The following XAB2 variants were observed in gnomAD, a reference collection of about 807,000 sequenced individuals.
XAB2 encodes the protein XPA binding protein 2.
Under a neutral mutation model 113.4 loss-of-function variants are expected in XAB2, and 57 were observed. That is an observed-to-expected ratio of 0.50 (90% confidence interval 0.41 to 0.63). The LOEUF (loss-of-function observed/expected upper bound fraction) is 0.63, where lower values mean the gene tolerates loss of function less well. Ranked by LOEUF, XAB2 falls within the 20% of genes least tolerant of loss-of-function variation. The pLI, the probability that XAB2 is intolerant of heterozygous loss-of-function variation, is 0.00. For synonymous variants in XAB2, 497 were observed against 498.8 expected, an observed-to-expected ratio of 1.00 and a Z score of 0.05; for missense variants, 1,037 against 1,233.3, an observed-to-expected ratio of 0.84 and a Z score of 2.38.
In XAB2 at chr19:7,620,092, G is replaced by A. The variant is rs756355799; in HGVS notation, c.2267-17C>T. On this transcript the variant is annotated splice_polypyrimidine_tract_variant and intron_variant, in intron 16 of 18. Coordinates refer to ENST00000358368, the MANE Select transcript of XAB2 (RefSeq NM_020196.3). ...GGTCAGACACTAGGGGGTGGGAGCA[G>A]GGGGTCAGCGCCACGGGGGCCCCTC... 4.4e-6 allele frequency: 7 copies of A among 1,608,658 alleles called. No homozygotes were observed. The Admixed American group carries it at 1.0e-4, about 23-fold the overall frequency.
intron 15 of XAB2, 35 bp downstream of exon 15, chr19:7,620,512 C>T (rs1316373493): frequency 6.2e-7 from 1 of 1,612,690 alleles, no homozygotes; most frequent in East Asian, 2.2e-5. Context: ...GCCGCAGCCC[C>T]CAACCCTGAT....
chr19:7,619,766 CTCG>C lies in XAB2; in HGVS notation c.2484_2486del (p.Asp828del). The C allele has an allele frequency of 1.2e-6, 2 of 1,612,676 alleles. No individual in the cohort carries two copies. The highest frequency in any genetic ancestry group is 1.7e-6 in the Non-Finnish European group (2 of 1,179,252). On this transcript the variant is annotated inframe_deletion, in exon 18 of 19. Transcript: ENST00000358368. ...CCTCACCGTTGGGCTCCAGGTCCAT[CTCG>C]TCCTCGTCCTCGTCCTCGCCCAGCT...
chr19:7,620,223 G>A, intron 16 of XAB2, 52 bp downstream of exon 16: 1 of 1,608,738 alleles, frequency 6.2e-7, no homozygotes, highest in Non-Finnish European at 8.5e-7. Context: ...GCCCAGGTCA[G>A]GCCGGGCTGA....
Position 7,619,860 on chromosome 19 carries a change from G to A in XAB2, c.2397-4C>T, listed in dbSNP as rs772548305. The A allele has an allele frequency of 3.7e-5, 59 of 1,611,474 alleles. 1 individual carries two copies. The South Asian group carries it at 6.0e-4, about 16-fold the overall frequency. Reference sequence around the variant, plus strand: ...CTCCTCCCGGGAGGCGTCACTCCTAGGGACGGGCCATGCTGCCTCAGTTCC... The same window carrying A: ...CTCCTCCCGGGAGGCGTCACTCCTAAGGACGGGCCATGCTGCCTCAGTTCC... On this transcript the variant is annotated splice_region_variant and splice_polypyrimidine_tract_variant and intron_variant, in intron 17 of 18. Coordinates refer to ENST00000358368, the MANE Select transcript of XAB2 (RefSeq NM_020196.3).
chr19:7,621,319 C>T, intron 12 of XAB2, 22 bp from the exon 13 acceptor site: 1 of 1,609,600 alleles, frequency 6.2e-7, no homozygotes, highest in African/African-American at 1.3e-5. Flanking sequence ...GGGAGAGTCA[C>T]ATGTGAGAGT....
At chr19:7,629,223 G>A (rs2031205884) in intron 1 of XAB2, among the ~76,000 whole-genome samples, 1 of 152,174 alleles carries the variant, frequency 6.6e-6, no homozygotes, top group African/African-American at 2.4e-5. Flanking sequence ...CCCCATTTCC[G>A]CCCCTGGTTC....
In XAB2 at chr19:7,623,789, G is replaced by A. The variant is rs1372303491; in HGVS notation, c.1061C>T (p.Pro354Leu). The change falls in exon 8 of 19, where the codon CCA becomes CTA. Residue 354 changes from proline to leucine, a missense_variant. By Grantham distance (98) the Pro-to-Leu change is moderately conservative. Transcript: ENST00000358368. This position sits in a 1 kb window ranked among gnomAD's most constrained non-coding sequence, Gnocchi z 4.6. ...CTTGTGCCACTCGTGCACGTGGTGT[G>A]GGTTTTGGCGCAGCAAGACGCTGTT... ...LLNSVLLRQN[P>L]HHVHEWHKRV... 8.1e-6 allele frequency: 13 copies of A among 1,612,308 alleles called. No homozygotes were observed. Among genetic ancestry groups the A allele is most frequent in the Non-Finnish European group, 1.1e-5 (13 of 1,179,614 alleles).
At chr19:7,621,522 C>T (rs1387841740) in intron 12 of XAB2, 7 of 554,700 alleles carry the variant, frequency 1.3e-5, no homozygotes, top group East Asian at 5.9e-5. Context: ...CTGCTAAGCA[C>T]AGTCTGGCCC....
chr19:7,623,400 G>A lies in XAB2; in HGVS notation c.1120-111C>T, dbSNP rs150871427. 747 of 1,435,672 alleles carry A rather than the reference G, an allele frequency of 5.2e-4. 2 individuals are homozygous for A. The highest frequency in any genetic ancestry group is 4.3e-3 in the African/African-American group (303 of 70,712). The allele number at this position is 1,435,672 out of a possible 1,614,324, so 88.9% of individuals were successfully genotyped here. ...CCTGGAGGGTGCTGTGGCCCCTGTC[G>A]GGAGAGGCCAGAAACGAACTATGGC... On this transcript the variant is annotated intron_variant, in intron 8 of 18. Coordinates refer to ENST00000358368, the MANE Select transcript of XAB2 (RefSeq NM_020196.3). This position sits in a 1 kb window ranked among gnomAD's most constrained non-coding sequence, Gnocchi z 4.6.
rs900420077 is a variant in XAB2 at position 7,627,092 on chromosome 19, A to G, written c.522+151T>C. 9 of 899,096 alleles carry G rather than the reference A, an allele frequency of 1.0e-5. No individual in the cohort carries two copies. The African/African-American group carries it at 1.5e-4, about 15-fold the overall frequency. The allele number at this position is 899,096 out of a possible 1,614,324, so 55.7% of individuals were successfully genotyped here. ...TGAACAAACTATTTGGAAAATAAAG[A>G]CATGAATCACGGACAACAACAAAAC... On this transcript the variant is annotated intron_variant, in intron 4 of 18. Coordinates refer to ENST00000358368, the MANE Select transcript of XAB2 (RefSeq NM_020196.3). The surrounding 1 kb of genome is among the most constrained non-coding windows in gnomAD (Gnocchi z 4.5).
At position 7,626,027 on chromosome 19, in the gene XAB2, G is replaced by C; in HGVS notation, c.675C>G (p.Cys225Trp). 1 of 1,609,942 alleles carries C rather than the reference G, an allele frequency of 6.2e-7. No individual in the cohort carries two copies. Among genetic ancestry groups the C allele is most frequent in the Non-Finnish European group, 8.5e-7 (1 of 1,176,908 alleles). ...KSNYQLWHEL[C>W]DLISQNPDKV... Reference sequence around the variant, plus strand: ...TGTCCGGATTCTGGGAGATGAGGTCGCACAGCTCGTGCCACAGCTGCAGGG... The same window carrying C: ...TGTCCGGATTCTGGGAGATGAGGTCCCACAGCTCGTGCCACAGCTGCAGGG... The change falls in exon 6 of 19, where the codon TGC (cysteine) becomes TGG (tryptophan). Residue 225 changes from cysteine to tryptophan, a missense_variant. Cys to Trp is a radical substitution (Grantham distance 215, BLOSUM62 -2). Coordinates refer to ENST00000358368, the MANE Select transcript of XAB2 (RefSeq NM_020196.3).
chr19:7,620,656 T>A lies in XAB2; in HGVS notation c.1985A>T (p.Glu662Val), dbSNP rs1168841877. Residue 662 changes from glutamate to valine, a missense_variant, in exon 15 of 19, where the codon GAG (glutamate) becomes GTG (valine). Coordinates refer to ENST00000358368, the MANE Select transcript of XAB2 (RefSeq NM_020196.3). ...CCGCAGGCACATCTCACGCGCGTGC[T>A]CGTCCGACAGCACCTGGACACCGGG... is the stretch of plus-strand genomic sequence containing the variant. ...YQKAIEVLSD[E>V]HAREMCLRFA... 1 of 1,612,764 alleles carries A rather than the reference T, an allele frequency of 6.2e-7. No individual in the cohort carries two copies. The highest frequency in any genetic ancestry group is 2.2e-5 in the East Asian group (1 of 44,860).
Position 7,624,819 on chromosome 19 carries a change from G to A in XAB2, c.823-374C>T, listed in dbSNP as rs1288783395. On this transcript the variant is annotated intron_variant, in intron 6 of 18. Coordinates refer to ENST00000358368, the MANE Select transcript of XAB2 (RefSeq NM_020196.3). The surrounding 1 kb of genome is among the most constrained non-coding windows in gnomAD (Gnocchi z 4.2). ...ACCCTCGCCTCAGCTCATCCTCCGA[G>A]GCCTCAGAATTTGCTCCAAAGCGTC... 6.6e-6 allele frequency among the ~76,000 whole-genome samples: 1 copy of A among 152,162 alleles called. No individual in the cohort carries two copies. The highest frequency in any genetic ancestry group is 1.5e-5 in the Non-Finnish European group (1 of 68,014).
In XAB2 at chr19:7,624,461, G is replaced by T. The variant is rs754974069; in HGVS notation, c.823-16C>A. The T allele has an allele frequency of 6.2e-7, 1 of 1,613,794 alleles. No individual in the cohort carries two copies. The highest frequency in any genetic ancestry group is 1.3e-5 in the African/African-American group (1 of 74,932). On this transcript the variant is annotated splice_polypyrimidine_tract_variant and intron_variant, in intron 6 of 18. Transcript: ENST00000358368. The surrounding 1 kb of genome is among the most constrained non-coding windows in gnomAD (Gnocchi z 4.2). Reference sequence around the variant, plus strand: ...CGTCCCGAGCCTGTGGGGACCCAGGGAAGGGGAGGTGAGAGGAAAGTGGCG... The same window carrying T: ...CGTCCCGAGCCTGTGGGGACCCAGGTAAGGGGAGGTGAGAGGAAAGTGGCG...
chr19:7,629,103 T>C (rs1353397869), intron 1 of XAB2, among the ~76,000 whole-genome samples: 1 of 152,098 alleles, frequency 6.6e-6, no homozygotes, highest in Non-Finnish European at 1.5e-5. Flanking sequence ...CAAGCCTTCA[T>C]CCCAGAAACC....
chr19:7,623,378 G>A lies in XAB2; in HGVS notation c.1120-89C>T, dbSNP rs1008065316. The A allele has an allele frequency of 6.5e-6, 10 of 1,548,162 alleles. No individual in the cohort carries two copies. The African/African-American group carries it at 1.2e-4, about 19-fold the overall frequency. Reference sequence around the variant, plus strand: ...GCTGTGGCTCTGAGGGGTGGGGCCTGGAGGGTGCTGTGGCCCCTGTCGGGA... The same window carrying A: ...GCTGTGGCTCTGAGGGGTGGGGCCTAGAGGGTGCTGTGGCCCCTGTCGGGA... On this transcript the variant is annotated intron_variant, in intron 8 of 18. Coordinates refer to ENST00000358368, the MANE Select transcript of XAB2 (RefSeq NM_020196.3). This position sits in a 1 kb window ranked among gnomAD's most constrained non-coding sequence, Gnocchi z 4.6.
In XAB2 at chr19:7,627,485, A is replaced by G. The variant is rs746084191; in HGVS notation, c.325-45T>C. 2.5e-6 allele frequency: 4 copies of G among 1,575,180 alleles called. No homozygotes were observed. In the South Asian group the frequency reaches 3.4e-5, roughly 13 times the overall value. Reference sequence around the variant, plus strand: ...CGGCTGGGGCTAAGCCACGGACTCCATGGCCTGGCCACAGACACTCGATGT... The same window carrying G: ...CGGCTGGGGCTAAGCCACGGACTCCGTGGCCTGGCCACAGACACTCGATGT... On this transcript the variant is annotated intron_variant, in intron 3 of 18. Coordinates refer to ENST00000358368, the MANE Select transcript of XAB2 (RefSeq NM_020196.3). This position sits in a 1 kb window ranked among gnomAD's most constrained non-coding sequence, Gnocchi z 4.5.
Position 7,627,419 on chromosome 19 carries a change from A to G in XAB2, c.346T>C (p.Tyr116His), listed in dbSNP as rs922055766. Residue 116 changes from tyrosine to histidine, a missense_variant, in exon 4 of 19, where the codon TAC becomes CAC. By Grantham distance (83) the Tyr-to-His change is moderately conservative (BLOSUM62 2). Transcript: ENST00000358368. The surrounding 1 kb of genome is among the most constrained non-coding windows in gnomAD (Gnocchi z 4.5). ...MHKMPRLWLD[Y>H]CQFLMDQGRV... ...CCCTGGTCCATGAGGAACTGGCAGT[A>G]ATCTAGCCACAGACGAGGCATCTGG... is the stretch of plus-strand genomic sequence containing the variant. 1 of 1,605,412 alleles carries G rather than the reference A, an allele frequency of 6.2e-7. No homozygotes were observed. Among genetic ancestry groups the G allele is most frequent in the African/African-American group, 1.3e-5 (1 of 74,796 alleles).
intron 4 of XAB2, 123 bp from the exon 5 acceptor site, chr19:7,626,393 C>T (rs2031141973): frequency 2.1e-6 from 3 of 1,400,040 alleles, no homozygotes; most frequent in Non-Finnish European, 2.9e-6. Flanking sequence ...AAAGCAAGCC[C>T]TGTCAAACCA....
Sources: gnomAD v4.1 joint callset for allele counts (sites outside exome capture counted in the v4.1 genomes callset) on GRCh38, gnomAD v4.1.1 for gene constraint, Gnocchi (gnomAD v3.1) non-coding constraint, MANE v1.5 for transcripts, NCBI Gene and HGNC (gene_info 2026-07-23, HGNC 2026-07-21) for gene names.